The following BICDL2 variants were observed in gnomAD, a reference collection of about 807,000 sequenced individuals.
BICDL2 encodes BICD family like cargo adaptor 2, also known as BICD family-like cargo adapter 2.
A neutral mutation model predicts 56.6 loss-of-function variants in BICDL2; 62 were observed. The ratio of observed to expected loss-of-function variants is 1.10; its 90% confidence interval spans 0.89 to 1.35. The LOEUF (loss-of-function observed/expected upper bound fraction) is 1.35, where lower values mean the gene tolerates loss of function less well. Ranked by LOEUF, BICDL2 falls within the 40% of genes most tolerant of loss-of-function variation. The probability of loss-of-function intolerance (pLI) is 0.00; values close to 1 mark genes in which losing one functional copy is unlikely to be tolerated. For synonymous variants in BICDL2, 358 were observed against 319.8 expected (o/e 1.12, Z -1.27); for missense variants, 808 against 684.5 (o/e 1.18, Z -2.01).
At chr16:3,035,547 C>T (rs1418300040) in intron 1 of BICDL2, 21 bp from the exon 2 acceptor site, 4 of 1,548,896 alleles carry the variant, frequency 2.6e-6, no homozygotes, top group East Asian at 2.3e-5. Flanking sequence ...CTCTACTCTG[C>T]AGCCTGACAG....
chr16:3,035,176 T>TTGGCCGGGGGGGGG, intron 2 of BICDL2, 39 bp downstream of exon 2: 4 of 136,274 alleles, frequency 2.9e-5, no homozygotes, highest in Non-Finnish European at 5.4e-5. Context: ...CGTCCTCCCC[T>TTGGCCGGGGGGGGG]GCCCACCCAC....
chr16:3,036,785 C>T, intron 1 of BICDL2, 109 bp downstream of exon 1: 1 of 352,802 alleles, frequency 2.8e-6, no homozygotes, highest in South Asian at 2.0e-5. Flanking sequence ...CCGGCGATCC[C>T]GGTTCCCCTG....
chr16:3,030,252 T>A (rs1349840790), intron 5 of BICDL2, 197 bp downstream of exon 5: 1 of 660,448 alleles, frequency 1.5e-6, no homozygotes, highest in Non-Finnish European at 2.5e-6. Context: ...GCTGCCAGGC[T>A]CTGATGCACT....
chr16:3,031,686 G>A (rs968872908), intron 2 of BICDL2: 10 of 401,886 alleles, frequency 2.5e-5, no homozygotes, highest in African/African-American at 4.1e-5. Context: ...CAGATGAATC[G>A]GGGGTTAACC....
chr16:3,033,464 G>A (rs529979329), intron 2 of BICDL2, among the ~76,000 whole-genome samples: 2 of 152,152 alleles, frequency 1.3e-5, no homozygotes, highest in East Asian at 3.9e-4. Flanking sequence ...AGGGCTTGCG[G>A]ATATTGGGGG....
At position 3,031,149 on chromosome 16, in the gene BICDL2, C is replaced by T. The variant is rs903085925; in HGVS notation, c.284G>A (p.Arg95Gln). The change falls in exon 3 of 10, where the codon CGG becomes CAG. Residue 95 changes from arginine (R) to glutamine (Q), a missense_variant and splice_region_variant. Coordinates refer to ENST00000572449, the MANE Select transcript of BICDL2 (RefSeq NM_001369667.1). ...LSAQHLEREE[R>Q]LQQENHELRR... The stretch of plus-strand genomic sequence containing the variant: ...GAGCTCATGGTTCTCCTGCTGGAGC[C>T]GCTGTGGGGGCCAGGGCAGAGGGAC... 2.9e-5 allele frequency: 44 copies of T among 1,534,712 alleles called. No homozygotes were observed. Among genetic ancestry groups the T allele is most frequent in the African/African-American group, 2.1e-4 (15 of 72,950 alleles).
In BICDL2 at chr16:3,027,887, C is replaced by A; in HGVS notation, c.*219G>T. ...AGACGTATATTAATTCGGAAAATAG[C>A]TCTGTTCACCTGCCCCTGCCACCCA... On this transcript the variant is annotated 3_prime_UTR_variant, in exon 10 of 10. Coordinates refer to ENST00000572449, the MANE Select transcript of BICDL2 (RefSeq NM_001369667.1). The A allele has an allele frequency of 2.4e-6, 2 of 816,758 alleles. No individual in the cohort carries two copies. The highest frequency in any genetic ancestry group is 6.1e-5 in the East Asian group (2 of 33,034). The allele number at this position is 816,758 out of a possible 1,614,324, so 50.6% of individuals were successfully genotyped here. A position where few individuals can be genotyped will look rare whatever the true frequency, so the allele number is the denominator to read the frequency against.
chr16:3,030,626 G>A (rs540716264), intron 4 of BICDL2, 31 bp from the exon 5 acceptor site: 8 of 1,594,854 alleles, frequency 5.0e-6, no homozygotes, highest in Non-Finnish European at 6.8e-6. Flanking sequence ...TGGGGACAGG[G>A]GCAGCCCCTC....
intron 2 of BICDL2, chr16:3,033,135 T>A (rs1191889297): frequency 6.6e-6 from 1 of 151,734 alleles, no homozygotes; most frequent in African/African-American, 2.4e-5. Flanking sequence ...TGAAACCCCG[T>A]CTCTACTAAA....
At chr16:3,028,556 G>A (rs1418945708) in intron 8 of BICDL2, 88 bp from the exon 9 acceptor site, 6 of 1,534,004 alleles carry the variant, frequency 3.9e-6, no homozygotes, top group Non-Finnish European at 5.2e-6. Context: ...CCGGGCGGGA[G>A]GAGGGCTGCA....
intron 2 of BICDL2, chr16:3,031,360 G>T: frequency 1.7e-6 from 1 of 586,128 alleles, no homozygotes; most frequent in Non-Finnish European, 3.0e-6. Flanking sequence ...GACAGGACGC[G>T]TGGGCCCGGG....
At chr16:3,036,505 T>C (rs1248215559) in intron 1 of BICDL2, 3 of 456,058 alleles carry the variant, frequency 6.6e-6, no homozygotes, top group Non-Finnish European at 1.3e-5. Context: ...CCGGTGTCCA[T>C]GTGCAGCCCT....
In BICDL2 at chr16:3,029,502, T is replaced by A. The variant is rs561586542; in HGVS notation, c.957+43A>T. The A allele has an allele frequency of 4.5e-6, 7 of 1,568,638 alleles. No individual in the cohort carries two copies. The African/African-American group carries it at 9.5e-5, about 21-fold the overall frequency. On this transcript the variant is annotated intron_variant, in intron 6 of 9. Transcript: ENST00000572449. ...GGAGGAAAGGCGGAGCCTGCAACCC[T>A]CTCGATGGCACAGGTAAGGGGGCTG... is the stretch of plus-strand genomic sequence containing the variant.
chr16:3,030,543 A>C lies in BICDL2; in HGVS notation c.668T>G (p.Leu223Arg), dbSNP rs750823606. The C allele has an allele frequency of 6.9e-6, 11 of 1,599,318 alleles. No homozygotes were observed. The highest frequency in any genetic ancestry group is 1.3e-5 in the African/African-American group (1 of 74,730). ...RQDLEAQIRG[L>R]REEVEKGEGR... is the part of the protein sequence containing the mutation. ...CTCACCCTTCTCCACCTCCTCACGC[A>C]GGCCTCGGATCTGGGCCTCCAGGTC... The change falls in exon 5 of 10, where the codon CTG becomes CGG. Residue 223 changes from leucine to arginine, a missense_variant. Leu to Arg is a moderately radical substitution (Grantham distance 102). Transcript: ENST00000572449.
intron 2 of BICDL2, among the ~76,000 whole-genome samples, chr16:3,034,484 G>A (rs924020974): frequency 2.0e-5 from 3 of 152,058 alleles, no homozygotes; most frequent in Admixed American, 1.3e-4. Flanking sequence ...GTTTCACCAT[G>A]TTGGCCAGGC....
intron 2 of BICDL2, chr16:3,031,408 A>G (rs1274124118): frequency 3.7e-6 from 2 of 543,940 alleles, no homozygotes; most frequent in African/African-American, 3.8e-5. Flanking sequence ...ATGACCACTC[A>G]CCTCCAGCTG....
intron 6 of BICDL2, 56 bp downstream of exon 6, chr16:3,029,489 G>T: frequency 6.3e-7 from 1 of 1,578,222 alleles, no homozygotes; most frequent in East Asian, 2.3e-5. Context: ...AGGAAAGGCG[G>T]AGCCTGCAAC....
At chr16:3,035,191 C>G in intron 2 of BICDL2, 24 bp downstream of exon 2, 1 of 263,166 alleles carries the variant, frequency 3.8e-6, no homozygotes, top group South Asian at 3.5e-5. Flanking sequence ...ACCCACCCAC[C>G]CACCCCGTCC....
intron 2 of BICDL2, 26 bp downstream of exon 2, chr16:3,035,189 A>ACCCCCCCCCCCCCCCCCCCCCC: frequency 1.7e-5 from 1 of 57,702 alleles, no homozygotes; most frequent in South Asian, 1.3e-4. Context: ...CCACCCACCC[A>ACCCCCCCCCCCCCCCCCCCCCC]CCCACCCCGT....
Sources: allele counts gnomAD v4.1 joint callset (sites outside exome capture counted in the v4.1 genomes callset), GRCh38; gene constraint gnomAD v4.1.1; transcripts MANE v1.5; gene names NCBI Gene and HGNC (gene_info 2026-07-23, HGNC 2026-07-21).